The following MLLT10 variants were observed in gnomAD, a reference collection of about 807,000 sequenced individuals.
MLLT10 encodes the protein MLLT10 histone lysine methyltransferase DOT1L cofactor, also known as protein AF-10.
Under a neutral mutation model 129.1 loss-of-function variants are expected in MLLT10, and 30 were observed. The observed-to-expected ratio is 0.23, with a 90% CI of 0.17 to 0.32. MLLT10 has a LOEUF of 0.32. MLLT10 is among the 10% of genes least tolerant of loss of function. The pLI is 1.00. For synonymous variants in MLLT10, 490 were observed against 446.4 expected, an observed-to-expected ratio of 1.10 and a Z score of -1.23; for missense variants, 1,119 against 1,268.3, an observed-to-expected ratio of 0.88 and a Z score of 1.79.
At chr10:21,590,469 G>A (rs2042390591) in intron 4 of MLLT10, among the ~76,000 whole-genome samples, 1 of 151,926 alleles carries the variant, frequency 6.6e-6, no homozygotes, top group South Asian at 2.1e-4. Context: ...CTCCCAAGTA[G>A]CTGGGATTAC....
Position 21,738,636 on chromosome 10 carries a change from G to C in MLLT10, c.2956-1394G>C. On this transcript the variant is annotated intron_variant, in intron 21 of 22. Transcript: ENST00000307729. Reference sequence around the variant, plus strand: ...TGACTCTGCTTCCCCCAGATGACTTGCATGTTTGCTAAATCCAGTGGTCCC... The same window carrying C: ...TGACTCTGCTTCCCCCAGATGACTTCCATGTTTGCTAAATCCAGTGGTCCC... 4 of 907,426 alleles carry C rather than the reference G, an allele frequency of 4.4e-6. No individual in the cohort carries two copies. The South Asian group carries it at 2.0e-4, about 46-fold the overall frequency. The allele number at this position is 907,426 out of a possible 1,614,324, so 56.2% of individuals were successfully genotyped here.
chr10:21,544,649 G>T (rs988736238), intron 3 of MLLT10, among the ~76,000 whole-genome samples: 1 of 152,178 alleles, frequency 6.6e-6, no homozygotes, highest in Non-Finnish European at 1.5e-5. Flanking sequence ...AAAGAAGGGA[G>T]CATTTTGAAG....
chr10:21,638,256 GT>G (rs2047641269), intron 8 of MLLT10, among the ~76,000 whole-genome samples: 1 of 112,508 alleles, frequency 8.9e-6, no homozygotes, highest in African/African-American at 3.4e-5. Context: ...CTTCTTTTTG[GT>G]GGGGGGAGGG....
chr10:21,689,273 A>G (rs1411747799), intron 13 of MLLT10, among the ~76,000 whole-genome samples: 1 of 151,802 alleles, frequency 6.6e-6, no homozygotes, highest in African/African-American at 2.4e-5. Flanking sequence ...GAGAACATAC[A>G]CTCTAAAAGG....
intron 8 of MLLT10, among the ~76,000 whole-genome samples, chr10:21,638,843 G>C (rs1304740805): frequency 3.3e-5 from 5 of 152,088 alleles, no homozygotes; most frequent in Admixed American, 2.0e-4. Flanking sequence ...TGCCAGATTG[G>C]TGAGGAAGTC....
intron 9 of MLLT10, among the ~76,000 whole-genome samples, chr10:21,652,734 C>G (rs918563135): frequency 2.1e-4 from 32 of 152,082 alleles, no homozygotes; most frequent in African/African-American, 7.2e-4. Context: ...CGTGGTCTGA[C>G]TTAGGTTTTG....
chr10:21,610,497 G>C (rs1248897269), intron 5 of MLLT10, among the ~76,000 whole-genome samples: 1 of 152,050 alleles, frequency 6.6e-6, no homozygotes, highest in African/African-American at 2.4e-5. Flanking sequence ...AGATTTACTT[G>C]GGTAAATTTT....
At chr10:21,715,670 A>ATT (rs1486559528) in intron 14 of MLLT10, among the ~76,000 whole-genome samples, 1 of 151,054 alleles carries the variant, frequency 6.6e-6, no homozygotes, top group African/African-American at 2.5e-5. Context: ...ATTTCTTCTC[A>ATT]TTCATTATGT....
Position 21,645,021 on chromosome 10 carries a change from C to G in MLLT10, c.700-6652C>G, listed in dbSNP as rs2048348074. ...TTTCTTCCTCTCGCCTTCAGTTTTT[C>G]CTGTTTCTTCCCTGAAGCTAGTACT... On this transcript the variant is annotated intron_variant, in intron 8 of 22. Transcript: ENST00000307729. Among the ~76,000 whole-genome samples the G allele has an allele frequency of 2.0e-5, 3 of 152,176 alleles. No homozygotes were observed. In the South Asian group the frequency reaches 6.2e-4, roughly 31 times the overall value.
chr10:21,691,979 T>G (rs922125864), intron 13 of MLLT10, among the ~76,000 whole-genome samples: 3 of 124,226 alleles, frequency 2.4e-5, no homozygotes, highest in African/African-American at 9.2e-5. Context: ...ATCCTGGCCA[T>G]CATGGTGAAA....
At chr10:21,635,765 C>G (rs896977772) in intron 8 of MLLT10, among the ~76,000 whole-genome samples, 4 of 149,704 alleles carry the variant, frequency 2.7e-5, no homozygotes, top group Admixed American at 6.7e-5. Flanking sequence ...TCACTCTTGT[C>G]TCCCAGTCTA....
chr10:21,667,900 G>C (rs1406863390), intron 9 of MLLT10, among the ~76,000 whole-genome samples: 1 of 152,066 alleles, frequency 6.6e-6, no homozygotes. Flanking sequence ...TGGTGTTGCA[G>C]CTTATCTTAG....
At chr10:21,686,302 C>T (rs1454657171) in intron 13 of MLLT10, among the ~76,000 whole-genome samples, 2 of 152,120 alleles carry the variant, frequency 1.3e-5, no homozygotes, top group Non-Finnish European at 2.9e-5. Context: ...TTTCCCTTTC[C>T]AAACTGCCTC....
chr10:21,670,727 A>G, intron 10 of MLLT10, 23 bp downstream of exon 10: 1 of 1,595,110 alleles, frequency 6.3e-7, no homozygotes, highest in Non-Finnish European at 8.5e-7. Flanking sequence ...TTTTAGTTAA[A>G]ATACTTGTGT....
At chr10:21,733,646 A>G (rs867612555) in intron 19 of MLLT10, 54 bp downstream of exon 19, 3 of 1,455,442 alleles carry the variant, frequency 2.1e-6, no homozygotes, top group Middle Eastern at 2.2e-4. Context: ...GAATAATAGT[A>G]TATTAAATGG....
At chr10:21,686,020 T>G (rs1230074418) in intron 13 of MLLT10, among the ~76,000 whole-genome samples, 1 of 152,212 alleles carries the variant, frequency 6.6e-6, no homozygotes, top group Non-Finnish European at 1.5e-5. Flanking sequence ...AGGAGGAGGA[T>G]ATGCTAGTTT....
At chr10:21,699,427 G>A (rs67160003) in intron 13 of MLLT10, among the ~76,000 whole-genome samples, 5,364 of 151,924 alleles carry the variant, frequency 0.035, 145 homozygotes, top group African/African-American at 0.074. Context: ...TGATTTTGAT[G>A]TTTTAGCCAT....
At chr10:21,714,969 A>AT (rs964098978) in intron 14 of MLLT10, among the ~76,000 whole-genome samples, 6 of 151,686 alleles carry the variant, frequency 4.0e-5, no homozygotes, top group Admixed American at 1.3e-4. Context: ...TTTCCAAAGT[A>AT]TTTTTTTTAT....
At chr10:21,590,794 G>A (rs1564467461) in intron 4 of MLLT10, among the ~76,000 whole-genome samples, 1 of 151,656 alleles carries the variant, frequency 6.6e-6, no homozygotes, top group Non-Finnish European at 1.5e-5. Flanking sequence ...CAGTTTTATT[G>A]ACCTTTTTAA....
Sources: gnomAD v4.1 joint callset for allele counts (sites outside exome capture counted in the v4.1 genomes callset) on GRCh38, gnomAD v4.1.1 for gene constraint, MANE v1.5 for transcripts, NCBI Gene and HGNC (gene_info 2026-07-23, HGNC 2026-07-21) for gene names.